Variants in MAP4 observed in about 807,000 individuals in gnomAD.
MAP4 encodes the protein microtubule associated protein 4, also known as microtubule-associated protein 4.
MAP4 carries 76 observed loss-of-function variants against 170.2 expected under a neutral mutation model. The ratio of observed to expected loss-of-function variants is 0.45; its 90% CI spans 0.37 to 0.54. MAP4 has a LOEUF of 0.54. MAP4 is among the 20% of genes least tolerant of loss of function. MAP4 has a pLI of 0.00. For synonymous variants in MAP4, 909 were observed against 994.5 expected (o/e 0.91, Z 1.62); for missense variants, 2,506 against 2,748.0 (o/e 0.91, Z 1.97).
At chr3:47,902,725 G>C (rs536888762) in intron 10 of MAP4, among the ~76,000 whole-genome samples, 1 of 147,496 alleles carries the variant, frequency 6.8e-6, no homozygotes, top group Admixed American at 6.8e-5. Context: ...CAGAGGGCAA[G>C]TGGGGTGAGA....
Position 47,918,850 on chromosome 3 carries a change from G to A in MAP4, c.530-9C>T. 1 of 1,606,830 alleles carries A rather than the reference G, an allele frequency of 6.2e-7. No homozygotes were observed. The highest frequency in any genetic ancestry group is 8.5e-7 in the Non-Finnish European group (1 of 1,175,406). ...GTTGCAGGGAGACATACCTAATATT[G>A]AAACACAAACAAATACATTTTGAAA... On this transcript the variant is annotated splice_polypyrimidine_tract_variant and intron_variant, in intron 5 of 20. Coordinates refer to ENST00000683076, the MANE Select transcript of MAP4 (RefSeq NM_001385682.1).
At chr3:48,008,236 C>A (rs1321353887) in intron 1 of MAP4, among the ~76,000 whole-genome samples, 1 of 152,200 alleles carries the variant, frequency 6.6e-6, no homozygotes, top group African/African-American at 2.4e-5. Flanking sequence ...TGCCACCCTG[C>A]CTTCTCTCTC....
Position 47,910,552 on chromosome 3 carries a change from T to C in MAP4, c.3869A>G (p.Asn1290Ser). 6 of 1,536,032 alleles carry C rather than the reference T, an allele frequency of 3.9e-6. No individual in the cohort carries two copies. The highest frequency in any genetic ancestry group is 5.2e-6 in the Non-Finnish European group (6 of 1,146,886). Residue 1290 changes from asparagine to serine, a missense_variant, in exon 9 of 21, where the codon AAT becomes AGT. Coordinates refer to ENST00000683076, the MANE Select transcript of MAP4 (RefSeq NM_001385682.1). ...AAGCTCAACAAAATTAACCTGAAAATTTCCACCCTTCCTGTCAACTGCTTC... is the reference window on the plus strand; with the variant it reads ...AAGCTCAACAAAATTAACCTGAAAACTTCCACCCTTCCTGTCAACTGCTTC... ...TVEAVDRKGG[N>S]FQVNFVELGT...
chr3:47,947,540 TGG>T (rs547432989), intron 3 of MAP4, among the ~76,000 whole-genome samples: 219 of 152,190 alleles, frequency 1.4e-3, no homozygotes, highest in South Asian at 5.8e-3. Flanking sequence ...AAGCCGGGTG[TGG>T]TGGCTCATGC....
intron 3 of MAP4, among the ~76,000 whole-genome samples, chr3:47,953,509 G>A (rs1193212292): frequency 6.6e-6 from 1 of 152,154 alleles, no homozygotes; most frequent in Non-Finnish European, 1.5e-5. Context: ...GTGACCGAGT[G>A]AGAGCCTGTC....
intron 4 of MAP4, among the ~76,000 whole-genome samples, chr3:47,924,552 T>TTGCCCTTGACCTTCAAAATG (rs1434448047): frequency 3.3e-5 from 5 of 152,146 alleles, no homozygotes; most frequent in Non-Finnish European, 7.4e-5. Flanking sequence ...AGAAAATCCA[T>TTGCCCTTGACCTTCAAAATG]TGCCCTTGAC....
rs183995561 is a variant in MAP4 at position 48,054,608 on chromosome 3, C to T, written c.-20+34165G>A. Among the ~76,000 whole-genome samples, 9 of 109,972 alleles carry T rather than the reference C, an allele frequency of 8.2e-5. No homozygotes were observed. The East Asian group carries it at 2.1e-3, about 25-fold the overall frequency. The allele number at this position is 109,972 out of a possible 152,430, so 72.1% of individuals were successfully genotyped here. On this transcript the variant is annotated intron_variant, in intron 1 of 18. Coordinates refer to the MAP4 transcript ENST00000360240. Reference sequence around the variant, plus strand: ...TCATGCCACTGCACGCCAACCTGGGCGACAGTGTAAGACTCCATCTCAAAA... The same window carrying T: ...TCATGCCACTGCACGCCAACCTGGGTGACAGTGTAAGACTCCATCTCAAAA...
chr3:47,943,499 C>A (rs966090549), intron 3 of MAP4, among the ~76,000 whole-genome samples: 2 of 152,036 alleles, frequency 1.3e-5, no homozygotes, highest in African/African-American at 4.8e-5. Flanking sequence ...GTAATCACAG[C>A]CACTGAGACT....
chr3:47,909,443 G>A lies in MAP4; in HGVS notation c.4978C>T (p.Leu1660Phe). 1 of 1,613,656 alleles carries A rather than the reference G, an allele frequency of 6.2e-7. No individual in the cohort carries two copies. The highest frequency in any genetic ancestry group is 8.5e-7 in the Non-Finnish European group (1 of 1,179,708). Residue 1660 changes from leucine (L) to phenylalanine (F), a missense_variant, in exon 9 of 21, where the codon CTT becomes TTT. By Grantham distance (22) the Leu-to-Phe change is conservative. This residue lies in a region of MAP4 where 2,008 missense variants were observed against 2,206.0 expected (regional missense o/e 0.91). Transcript: ENST00000683076. ...TCATTTTCACTTTTTGGAGACAAAA[G>A]AGTCAGATCTACCTTCTTATTCAAA... The part of the protein sequence containing the change: ...DSLNKKVDLT[L>F]LSPKSENDKL...
intron 1 of MAP4, among the ~76,000 whole-genome samples, chr3:48,033,199 A>G (rs1053239104): frequency 2.0e-5 from 3 of 152,222 alleles, no homozygotes; most frequent in Admixed American, 1.3e-4. Context: ...AGGAGGTATT[A>G]TCATTCTGAT....
intron 4 of MAP4, among the ~76,000 whole-genome samples, chr3:47,925,475 G>A (rs1260954001): frequency 1.3e-5 from 2 of 152,140 alleles, no homozygotes; most frequent in Non-Finnish European, 1.5e-5. Context: ...GGGCGACAGA[G>A]GGAGATTCTG....
In MAP4 at chr3:47,911,413, A is replaced by C; in HGVS notation, c.3008T>G (p.Leu1003Arg). ...TTCAGCTCCTTCAGGAAACTCCTTC[A>C]GTTTGACATTCTGCAGTTTAGTCAT... ...SKMTKLQNVK[L>R]KEFPEGAEED... is the part of the protein sequence containing the mutation. Residue 1003 changes from leucine to arginine, a missense_variant, in exon 9 of 21, where the codon CTG (leucine) becomes CGG (arginine). Physicochemically the swap from Leu to Arg is moderately radical, Grantham distance 102. This residue lies in a region of MAP4 where 2,008 missense variants were observed against 2,206.0 expected (regional missense o/e 0.91). Coordinates refer to ENST00000683076, the MANE Select transcript of MAP4 (RefSeq NM_001385682.1). The surrounding 1 kb of genome is among the most constrained non-coding windows in gnomAD (Gnocchi z 4.0). The C allele has an allele frequency of 6.5e-7, 1 of 1,536,080 alleles. No individual in the cohort carries two copies. Among genetic ancestry groups the C allele is most frequent in the Non-Finnish European group, 8.7e-7 (1 of 1,146,884 alleles).
chr3:48,055,091 A>T (rs948067072), intron 1 of MAP4, among the ~76,000 whole-genome samples: 6 of 152,176 alleles, frequency 3.9e-5, no homozygotes, highest in Non-Finnish European at 7.3e-5. Flanking sequence ...ATCCCTGCAG[A>T]CCAGTAACAA....
intron 4 of MAP4, among the ~76,000 whole-genome samples, chr3:47,927,656 G>T (rs2100046834): frequency 1.3e-5 from 2 of 152,078 alleles, no homozygotes; most frequent in South Asian, 4.2e-4. Context: ...TGTATTTTTA[G>T]TAGAGACAGC....
intron 1 of MAP4, among the ~76,000 whole-genome samples, chr3:48,024,170 C>T (rs1047218500): frequency 6.6e-6 from 1 of 151,918 alleles, no homozygotes; most frequent in African/African-American, 2.4e-5. Flanking sequence ...ATTAGCTGGG[C>T]GTGGTGGAGC....
chr3:48,021,493 G>A (rs1463371753), intron 1 of MAP4, among the ~76,000 whole-genome samples: 5 of 152,010 alleles, frequency 3.3e-5, no homozygotes, highest in Admixed American at 6.6e-5. Context: ...GACCACAGGC[G>A]TGCGCCACCA....
chr3:47,907,037 G>A lies in MAP4; in HGVS notation c.5383+2001C>T, dbSNP rs529524162. ...TTTAGTAGAGATGGGGTTTCTCCAC[G>A]TTGGTGAGGCTGGTCTCGAACTCCT... On this transcript the variant is annotated intron_variant, in intron 9 of 20. Transcript: ENST00000683076. 7.9e-5 allele frequency among the ~76,000 whole-genome samples: 12 copies of A among 152,200 alleles called. No homozygotes were observed. In the East Asian group the frequency reaches 1.4e-3, roughly 17 times the overall value.
intron 8 of MAP4, 27 bp from the exon 9 acceptor site, chr3:47,912,448 G>A (rs746182294): frequency 6.2e-6 from 9 of 1,442,494 alleles, no homozygotes; most frequent in Admixed American, 2.8e-5. Context: ...AAAACTCCTC[G>A]TTATTGTTTC....
chr3:47,895,683 C>T (rs2100026461), intron 10 of MAP4, among the ~76,000 whole-genome samples: 1 of 152,206 alleles, frequency 6.6e-6, no homozygotes, highest in South Asian at 2.1e-4. Flanking sequence ...ACTAGTTCAT[C>T]CCTACCCAAC....
Sources: gnomAD v4.1 joint callset for allele counts (sites outside exome capture counted in the v4.1 genomes callset) on GRCh38, gnomAD v4.1.1 for gene constraint, gnomAD v4.1.1 regional missense constraint, Gnocchi (gnomAD v3.1) non-coding constraint, MANE v1.5 for transcripts, NCBI Gene and HGNC (gene_info 2026-07-23, HGNC 2026-07-21) for gene names.